Variants in RYR3 observed in about 807,000 individuals in gnomAD.
RYR3 encodes brain ryanodine receptor-calcium release channel.
In RYR3, 207 loss-of-function variants were observed where a neutral mutation model predicts 584.3. The observed-to-expected ratio is 0.35, with a 90% CI of 0.32 to 0.40. The LOEUF (loss-of-function observed/expected upper bound fraction) is 0.40. Among genes scored for constraint, RYR3 ranks in the 10% least tolerant of loss-of-function variants. The pLI is 1.00. For missense variants in RYR3, 5,616 were observed against 6,089.2 expected, an observed-to-expected ratio of 0.92 and a Z score of 2.59; for synonymous variants, 2,416 against 2,248.5, an observed-to-expected ratio of 1.07 and a Z score of -2.11.
intron 18 of RYR3, among the ~76,000 whole-genome samples, chr15:33,610,873 T>G (rs1412404524): frequency 6.6e-6 from 1 of 152,262 alleles, no homozygotes; most frequent in African/African-American, 2.4e-5. Flanking sequence ...TTGACTTTTT[T>G]GATGGTGACC....
chr15:33,440,468 A>G (rs572004967), intron 1 of RYR3, among the ~76,000 whole-genome samples: 3 of 152,340 alleles, frequency 2.0e-5, no homozygotes, highest in South Asian at 4.1e-4. Context: ...CCCAGGGGAC[A>G]TTAGGTAGTG....
chr15:33,489,275 A>G (rs1194071384), intron 2 of RYR3, among the ~76,000 whole-genome samples: 1 of 152,170 alleles, frequency 6.6e-6, no homozygotes, highest in African/African-American at 2.4e-5. Flanking sequence ...CTTGTGTCAC[A>G]AGGGTTTGTT....
At chr15:33,635,524 A>T (rs1183495232) in intron 25 of RYR3, 90 bp from the exon 26 acceptor site, 23 of 949,812 alleles carry the variant, frequency 2.4e-5, no homozygotes, top group Non-Finnish European at 3.6e-5. Flanking sequence ...GTTCTCATCA[A>T]ATTCTTTTGA....
chr15:33,732,199 G>A (rs1039248703), intron 48 of RYR3, among the ~76,000 whole-genome samples: 1 of 151,200 alleles, frequency 6.6e-6, no homozygotes. Context: ...GGCTAACACG[G>A]TGAAACCCCA....
At chr15:33,843,156 A>G (rs1174803764) in intron 91 of RYR3, among the ~76,000 whole-genome samples, 2 of 151,890 alleles carry the variant, frequency 1.3e-5, no homozygotes, top group Non-Finnish European at 2.9e-5. Flanking sequence ...CGTCTCTAGT[A>G]AAAAAACAAA....
chr15:33,673,716 C>A (rs11855366), intron 38 of RYR3, among the ~76,000 whole-genome samples: 2,380 of 152,306 alleles, frequency 0.016, 63 homozygotes, highest in Admixed American at 0.058. Context: ...AAAATAAAAA[C>A]CATCTGTCAA....
chr15:33,837,165 C>G (rs949722825), intron 88 of RYR3, among the ~76,000 whole-genome samples, 178 bp downstream of exon 88: 1 of 152,278 alleles, frequency 6.6e-6, no homozygotes, highest in Non-Finnish European at 1.5e-5. Context: ...ACGGACGAAG[C>G]CTGAAATCAA....
chr15:33,539,107 G>A (rs1386748131), intron 5 of RYR3: 3 of 301,144 alleles, frequency 1.0e-5, no homozygotes, highest in Admixed American at 4.8e-5. Flanking sequence ...TATAGTTTCC[G>A]GCCTCCAATA....
chr15:33,494,182 T>C (rs948827841), intron 2 of RYR3, among the ~76,000 whole-genome samples: 6 of 152,212 alleles, frequency 3.9e-5, no homozygotes, highest in African/African-American at 1.2e-4. Flanking sequence ...TCCTGCAATT[T>C]GGATTCTCTG....
intron 1 of RYR3, among the ~76,000 whole-genome samples, chr15:33,381,776 C>A (rs1336601688): frequency 6.6e-6 from 1 of 152,182 alleles, no homozygotes; most frequent in Non-Finnish European, 1.5e-5. Context: ...CCCACTTCAG[C>A]CTCCTCTGTC....
chr15:33,832,641 A>T (rs2077758415), intron 86 of RYR3, among the ~76,000 whole-genome samples: 1 of 142,588 alleles, frequency 7.0e-6, no homozygotes, highest in Non-Finnish European at 1.5e-5. Flanking sequence ...TGGGTGACAG[A>T]GCGAGACTCT....
At chr15:33,739,041 T>C (rs373545112) in intron 50 of RYR3, among the ~76,000 whole-genome samples, 16 of 152,332 alleles carry the variant, frequency 1.1e-4, no homozygotes, top group African/African-American at 3.4e-4. Flanking sequence ...AGAGGTTCTT[T>C]GCAAGCACTC....
chr15:33,566,725 G>A lies in RYR3; in HGVS notation c.1194G>A (p.Gln398=). The A allele has an allele frequency of 6.2e-7, 1 of 1,613,768 alleles. No individual in the cohort carries two copies. Among genetic ancestry groups the A allele is most frequent in the African/African-American group, 1.3e-5 (1 of 75,022 alleles). Reference sequence around the variant, plus strand: ...ACATGGATGATGGATTAACACTGCAGAGATGCCAGCGTGAGGAGTCCCAGG... The same window carrying A: ...ACATGGATGATGGATTAACACTGCAAAGATGCCAGCGTGAGGAGTCCCAGG... ...EGHMDDGLTL[Q]RCQREESQAA... is the part of the protein sequence containing the mutation. Residue 398 remains glutamine, a synonymous_variant, in exon 12 of 104, where the codon CAG becomes CAA. Transcript: ENST00000634891.
intron 1 of RYR3, among the ~76,000 whole-genome samples, chr15:33,450,478 C>T (rs1178612635): frequency 6.6e-6 from 1 of 152,140 alleles, no homozygotes; most frequent in Admixed American, 6.5e-5. Context: ...CAAAGTTCTC[C>T]ACACAGCAGT....
At chr15:33,420,197 A>C (rs10519818) in intron 1 of RYR3, among the ~76,000 whole-genome samples, 22,433 of 152,056 alleles carry the variant, frequency 0.15, 2,244 homozygotes, top group African/African-American at 0.28. Flanking sequence ...TTTGCATTGC[A>C]TAGAGAGTGG....
intron 18 of RYR3, among the ~76,000 whole-genome samples, chr15:33,604,134 T>G (rs1270392504): frequency 1.3e-5 from 2 of 152,238 alleles, no homozygotes; most frequent in African/African-American, 4.8e-5. Flanking sequence ...AAACTGCAAT[T>G]GGAGACGTCG....
rs185597024 is a variant in RYR3, at chr15:33,595,682, T to C, written c.1789-5737T>C. ...ATCGGGCCTGAAGATGAGCCTTCAATTGCTATCAGTGTTTAAGATTTAGCA... is the reference window on the plus strand; with the variant it reads ...ATCGGGCCTGAAGATGAGCCTTCAACTGCTATCAGTGTTTAAGATTTAGCA... On this transcript the variant is annotated intron_variant, in intron 16 of 103. Coordinates refer to ENST00000634891, the MANE Select transcript of RYR3 (RefSeq NM_001036.6). 2.2e-4 allele frequency among the ~76,000 whole-genome samples: 34 copies of C among 152,278 alleles called. No homozygotes were observed. In the South Asian group the frequency reaches 3.7e-3, roughly 17 times the overall value.
intron 36 of RYR3, among the ~76,000 whole-genome samples, chr15:33,664,424 G>A (rs1380730441): frequency 1.3e-5 from 2 of 151,830 alleles, no homozygotes; most frequent in Non-Finnish European, 2.9e-5. Context: ...CATTTTCCCC[G>A]CTGCTCAGTG....
At chr15:33,579,922 T>C in intron 12 of RYR3, 54 bp from the exon 13 acceptor site, 3 of 1,465,402 alleles carry the variant, frequency 2.0e-6, no homozygotes, top group Non-Finnish European at 2.8e-6. Flanking sequence ...TGGGTGTTCA[T>C]CAGGGCCCTG....
Sources: allele counts gnomAD v4.1 joint callset (sites outside exome capture counted in the v4.1 genomes callset), GRCh38; gene constraint gnomAD v4.1.1; transcripts MANE v1.5; gene names NCBI Gene and HGNC (gene_info 2026-07-23, HGNC 2026-07-21).